Variants in GALNT10 observed in about 807,000 individuals in gnomAD.
The protein encoded by GALNT10 is polypeptide N-acetylgalactosaminyltransferase 10.
A neutral mutation model predicts 75.0 loss-of-function variants in GALNT10; 41 were observed. The observed-to-expected ratio is 0.55, with a 90% CI of 0.43 to 0.71. GALNT10 has a LOEUF of 0.71. GALNT10 is among the 30% of genes least tolerant of loss of function. The probability of loss-of-function intolerance (pLI) is 0.00; values close to 1 mark genes in which losing one functional copy is unlikely to be tolerated. For missense variants in GALNT10, 727 were observed against 818.5 expected (o/e 0.89, Z 1.36); for synonymous variants, 302 against 313.0 (o/e 0.96, Z 0.37).
intron 1 of GALNT10, among the ~76,000 whole-genome samples, chr5:154,221,479 A>G (rs1213381654): frequency 1.3e-5 from 2 of 152,192 alleles, no homozygotes; most frequent in Non-Finnish European, 2.9e-5. Flanking sequence ...GCCTGGAGCC[A>G]TTCTAAAACT....
chr5:154,338,481 G>T, intron 4 of GALNT10: 1 of 253,402 alleles, frequency 3.9e-6, no homozygotes, highest in African/African-American at 2.2e-5. Flanking sequence ...CTTTAATGGT[G>T]CTTCCTCAGT....
intron 3 of GALNT10, among the ~76,000 whole-genome samples, chr5:154,304,867 A>T (rs1327272392): frequency 6.6e-6 from 1 of 152,274 alleles, no homozygotes; most frequent in Non-Finnish European, 1.5e-5. Context: ...GATGAGTTAA[A>T]AACATACTAT....
chr5:154,338,814 G>C (rs1754985094), intron 4 of GALNT10, among the ~76,000 whole-genome samples: 1 of 152,192 alleles, frequency 6.6e-6, no homozygotes. Flanking sequence ...AATATCAGCT[G>C]TATTGTTGCA....
At chr5:154,211,549 T>A (rs1775198172) in intron 1 of GALNT10, among the ~76,000 whole-genome samples, 1 of 152,158 alleles carries the variant, frequency 6.6e-6, no homozygotes, top group Non-Finnish European at 1.5e-5. Context: ...CCGTTTTGGT[T>A]ATATAGTGCT....
Position 154,261,836 on chromosome 5 carries a change from G to T in GALNT10, c.160-32980G>T, listed in dbSNP as rs369023868. ...TTTAGCTTACGATTGTGCCATCAGG[G>T]TCTAGCATAGCACCTGGCACTTGGT... On this transcript the variant is annotated intron_variant, in intron 1 of 11. Transcript: ENST00000297107. Among the ~76,000 whole-genome samples, 22 of 152,300 alleles carry T rather than the reference G, an allele frequency of 1.4e-4. No homozygotes were observed. In the East Asian group the frequency reaches 4.2e-3, roughly 29 times the overall value.
intron 1 of GALNT10, among the ~76,000 whole-genome samples, chr5:154,285,411 A>G (rs920102553): frequency 2.0e-5 from 3 of 152,184 alleles, no homozygotes; most frequent in Non-Finnish European, 4.4e-5. Context: ...GAAACTTAAA[A>G]GTAACATGTG....
At chr5:154,373,923 G>A (rs923339312) in intron 4 of GALNT10, among the ~76,000 whole-genome samples, 10 of 152,162 alleles carry the variant, frequency 6.6e-5, no homozygotes, top group Non-Finnish European at 1.3e-4. Context: ...ATTAGAGCCG[G>A]CCAGGGTGAT....
At chr5:154,218,299 C>G (rs888797867) in intron 1 of GALNT10, 2 of 209,120 alleles carry the variant, frequency 9.6e-6, no homozygotes, top group Non-Finnish European at 1.7e-5. Context: ...AGTTCGCTGT[C>G]TCCAGTGCTG....
At chr5:154,296,587 C>G (rs1754277494) in intron 2 of GALNT10, among the ~76,000 whole-genome samples, 1 of 152,288 alleles carries the variant, frequency 6.6e-6, no homozygotes, top group South Asian at 2.1e-4. Flanking sequence ...CCTTAATCAT[C>G]ACATCATTCA....
intron 3 of GALNT10, among the ~76,000 whole-genome samples, chr5:154,322,515 A>G (rs184138478): frequency 5.1e-4 from 78 of 152,082 alleles, no homozygotes; most frequent in African/African-American, 1.8e-3. Flanking sequence ...TCATGTCTGC[A>G]AGGCCCCCTT....
In GALNT10 at chr5:154,380,379, G is replaced by C. The variant is rs1049050921; in HGVS notation, c.755-69G>C. ...ATGTTAAAAATACAAGTAAGCTGCA[G>C]AACAGGATGGTGCACTTAGCTGCTT... On this transcript the variant is annotated intron_variant, in intron 5 of 11. Coordinates refer to ENST00000297107, the MANE Select transcript of GALNT10 (RefSeq NM_198321.4). 10 of 1,227,378 alleles carry C rather than the reference G, an allele frequency of 8.1e-6. No homozygotes were observed. In the African/African-American group the frequency reaches 1.5e-4, roughly 18 times the overall value. 76.0% of individuals were successfully genotyped at this position (1,227,378 alleles called of 1,614,324 possible). A position where few individuals can be genotyped will look rare whatever the true frequency, so the allele number is the denominator to read the frequency against.
chr5:154,306,400 A>G (rs1754433675), intron 3 of GALNT10, among the ~76,000 whole-genome samples: 1 of 152,238 alleles, frequency 6.6e-6, no homozygotes, highest in East Asian at 1.9e-4. Context: ...AAACGATTAG[A>G]AAGTATATTA....
intron 1 of GALNT10, among the ~76,000 whole-genome samples, 161 bp downstream of exon 1, chr5:154,191,186 G>A (rs1392910504): frequency 7.2e-5 from 11 of 152,120 alleles, no homozygotes; most frequent in Admixed American, 5.9e-4. Flanking sequence ...GTCCTGTCGG[G>A]ACTTGTCCAG....
rs948409140 is a variant in GALNT10 at position 154,329,834 on chromosome 5, T to C, written c.568+96T>C. On this transcript the variant is annotated intron_variant, in intron 4 of 11. Coordinates refer to ENST00000297107, the MANE Select transcript of GALNT10 (RefSeq NM_198321.4). ...TTTCCCTTCTTTAGCAGCATCAACATATAGGCCATCATTGGCTAAATGCCT... is the reference window on the plus strand; with the variant it reads ...TTTCCCTTCTTTAGCAGCATCAACACATAGGCCATCATTGGCTAAATGCCT... 3.8e-6 allele frequency: 3 copies of C among 797,862 alleles called. No individual in the cohort carries two copies. In the African/African-American group the frequency reaches 5.1e-5, roughly 14 times the overall value. The allele number at this position is 797,862 out of a possible 1,614,324, so 49.4% of individuals were successfully genotyped here.
intron 9 of GALNT10, among the ~76,000 whole-genome samples, chr5:154,411,600 A>G (rs953225055): frequency 4.6e-5 from 7 of 152,242 alleles, no homozygotes; most frequent in African/African-American, 1.7e-4. Flanking sequence ...TGATTTGCTC[A>G]AATTCACACA....
At chr5:154,277,428 C>T (rs910148919) in intron 1 of GALNT10, among the ~76,000 whole-genome samples, 3 of 151,864 alleles carry the variant, frequency 2.0e-5, no homozygotes, top group Admixed American at 2.0e-4. Context: ...AGGCAAGTCA[C>T]AGAGCCAGAC....
chr5:154,244,962 G>A (rs1242925327), intron 1 of GALNT10, among the ~76,000 whole-genome samples: 2 of 152,184 alleles, frequency 1.3e-5, no homozygotes, highest in Non-Finnish European at 2.9e-5. Context: ...ATAGAGATTG[G>A]GGGTGCTGAT....
intron 1 of GALNT10, among the ~76,000 whole-genome samples, chr5:154,283,756 G>C (rs552858565): frequency 1.3e-5 from 2 of 152,290 alleles, no homozygotes; most frequent in Non-Finnish European, 2.9e-5. Context: ...CCTCTTGGGG[G>C]ACCTTTGCAA....
chr5:154,386,498 C>G, intron 7 of GALNT10, 68 bp downstream of exon 7: 2 of 990,000 alleles, frequency 2.0e-6, no homozygotes, highest in South Asian at 1.3e-5. Context: ...GTAGGTGTCT[C>G]AGCTTCTGCC....
Sources: gnomAD v4.1 joint callset for allele counts (sites outside exome capture counted in the v4.1 genomes callset) on GRCh38, gnomAD v4.1.1 for gene constraint, MANE v1.5 for transcripts, NCBI Gene and HGNC (gene_info 2026-07-23, HGNC 2026-07-21) for gene names.